The following MTARC1 variants were observed in gnomAD, a reference collection of about 807,000 sequenced individuals.
The protein encoded by MTARC1 is mitochondrial amidoxime-reducing component 1.
In MTARC1, 24 loss-of-function variants were observed where a neutral mutation model predicts 33.6. That is an observed-to-expected ratio of 0.72 (90% CI 0.52 to 1.01). The LOEUF (loss-of-function observed/expected upper bound fraction) is 1.01. MTARC1 is among the 50% of genes least tolerant of loss of function. The pLI is 0.00. For missense variants in MTARC1, 417 were observed against 445.7 expected (o/e 0.94, Z 0.58); for synonymous variants, 187 against 189.5 (o/e 0.99, Z 0.11).
At chr1:220,803,686 C>A (rs1266426771) in intron 4 of MTARC1, among the ~76,000 whole-genome samples, 1 of 143,686 alleles carries the variant, frequency 7.0e-6, no homozygotes, top group Admixed American at 7.0e-5. Flanking sequence ...ATGACTCAAT[C>A]TCCAGTAGTT....
chr1:220,798,952 G>T, intron 4 of MTARC1: 1 of 985,382 alleles, frequency 1.0e-6, no homozygotes, highest in Non-Finnish European at 1.2e-6. Flanking sequence ...CTAAGAATTT[G>T]ATTCCCACAT....
In MTARC1 at chr1:220,796,800, G is replaced by A. The variant is rs1427877570; in HGVS notation, c.607G>A (p.Asp203Asn). 3 of 1,605,626 alleles carry A rather than the reference G, an allele frequency of 1.9e-6. No individual in the cohort carries two copies. The highest frequency in any genetic ancestry group is 2.3e-5 in the East Asian group (1 of 44,354). Residue 203 changes from aspartate (D) to asparagine (N), a missense_variant, in exon 3 of 7, where the codon GAC (aspartate) becomes AAC (asparagine). Transcript: ENST00000366910. ...HQIADLFRPK[D>N]QIAYSDTSPF... ...AATAGCAGACTTGTTCCGACCCAAGGACCAGGTGAGAGGTTCTGCTGCCTC... is the reference window on the plus strand; with the variant it reads ...AATAGCAGACTTGTTCCGACCCAAGAACCAGGTGAGAGGTTCTGCTGCCTC...
chr1:220,813,166 A>C lies in MTARC1; in HGVS notation c.888-126A>C, dbSNP rs1025083691. 5 of 1,300,050 alleles carry C rather than the reference A, an allele frequency of 3.8e-6. No individual in the cohort carries two copies. In the Admixed American group the frequency reaches 5.4e-5, roughly 14 times the overall value. 80.5% of individuals were successfully genotyped at this position (1,300,050 alleles called of 1,614,324 possible). A position where few individuals can be genotyped will look rare whatever the true frequency, so the allele number is the denominator to read the frequency against. ...CACTCCAGGAGGCGCTGTTCTGTTG[A>C]GCTTTGACGGGATGGTGCCCTCTCG... On this transcript the variant is annotated intron_variant, in intron 6 of 6. Coordinates refer to ENST00000366910, the MANE Select transcript of MTARC1 (RefSeq NM_022746.4).
intron 6 of MTARC1, among the ~76,000 whole-genome samples, chr1:220,806,553 C>T (rs1314928020): frequency 6.6e-6 from 1 of 152,232 alleles, no homozygotes; most frequent in African/African-American, 2.4e-5. Flanking sequence ...CCTTCCACCT[C>T]TCACCAACCT....
In MTARC1 at chr1:220,817,537, CAATCCTTT is replaced by C; in HGVS notation, c.*4121_*4128del. On this transcript the variant is annotated 3_prime_UTR_variant, in exon 7 of 7. Coordinates refer to ENST00000366910, the MANE Select transcript of MTARC1 (RefSeq NM_022746.4). Reference sequence around the variant, plus strand: ...TACAGAGTGCTGATTGGTGCATTTACAATCCTTTAGCTAGACACAGAGTGCCGATTGGT... The same window carrying C: ...TACAGAGTGCTGATTGGTGCATTTACAGCTAGACACAGAGTGCCGATTGGT... 1.1e-5 allele frequency: 1 copy of C among 94,518 alleles called. No individual in the cohort carries two copies. Among genetic ancestry groups the C allele is most frequent in the Admixed American group, 1.1e-4 (1 of 8,854 alleles). The allele number at this position is 94,518 out of a possible 1,614,324, so 5.9% of individuals were successfully genotyped here. A position where few individuals can be genotyped will look rare whatever the true frequency, so the allele number is the denominator to read the frequency against.
intron 4 of MTARC1, among the ~76,000 whole-genome samples, chr1:220,802,801 C>T (rs567539078): frequency 4.8e-4 from 73 of 152,340 alleles, no homozygotes; most frequent in Middle Eastern, 6.8e-3. Context: ...CCAGATCCTA[C>T]GTTTGTTACT....
intron 4 of MTARC1, among the ~76,000 whole-genome samples, chr1:220,801,544 G>T (rs1358383511): frequency 1.3e-5 from 2 of 152,188 alleles, no homozygotes; most frequent in Non-Finnish European, 2.9e-5. Flanking sequence ...CAGGAGAAAG[G>T]GGGGCACTGA....
intron 4 of MTARC1, among the ~76,000 whole-genome samples, chr1:220,801,180 CCT>C (rs1672788820): frequency 6.6e-6 from 1 of 152,166 alleles, no homozygotes; most frequent in South Asian, 2.1e-4. Context: ...AGCCCCTTCT[CCT>C]CTCACTCCCC....
chr1:220,798,690 C>T, intron 4 of MTARC1: 1 of 754,464 alleles, frequency 1.3e-6, no homozygotes, highest in Non-Finnish European at 1.6e-6. Context: ...TGAGTGGCCA[C>T]CAGCTGTGGA....
At chr1:220,787,267 AG>A in intron 1 of MTARC1, 48 bp downstream of exon 1, 2 of 1,520,544 alleles carry the variant, frequency 1.3e-6, no homozygotes, top group African/African-American at 1.4e-5. Flanking sequence ...GCTCGGGGCA[AG>A]GGGGTGAGAA....
chr1:220,805,032 A>G lies in MTARC1; in HGVS notation c.754-20A>G. On this transcript the variant is annotated intron_variant, in intron 4 of 6. Transcript: ENST00000366910. ...GCAGGGCCCAGAGATGCTCATGGGA[A>G]TTTGTGCTTTGTCCCCTAGGATTCT... The G allele has an allele frequency of 5.6e-6, 9 of 1,613,930 alleles. No homozygotes were observed. The highest frequency in any genetic ancestry group is 7.6e-6 in the Non-Finnish European group (9 of 1,179,860).
chr1:220,790,547 G>A (rs141869756), intron 1 of MTARC1, among the ~76,000 whole-genome samples: 109 of 152,338 alleles, frequency 7.2e-4, no homozygotes, highest in Middle Eastern at 6.8e-3. Context: ...GGGCAGTTAC[G>A]GAAAGGGCTT....
intron 2 of MTARC1, 105 bp downstream of exon 2, chr1:220,791,769 C>T (rs966575553): frequency 9.6e-6 from 12 of 1,246,340 alleles, no homozygotes; most frequent in Middle Eastern, 1.9e-4. Flanking sequence ...AATAATGAAC[C>T]GTTGATTGCA....
chr1:220,813,657 C>G lies in MTARC1; in HGVS notation c.*239C>G. 2.2e-6 allele frequency: 1 copy of G among 462,094 alleles called. No individual in the cohort carries two copies. Among genetic ancestry groups the G allele is most frequent in the South Asian group, 2.7e-5 (1 of 36,504 alleles). 28.6% of individuals were successfully genotyped at this position (462,094 alleles called of 1,614,324 possible). ...TCAGTAAGTCACTTAAATGACAAGA[C>G]AGGATTCTGAAAACTCCCCGTTTAA... On this transcript the variant is annotated 3_prime_UTR_variant, in exon 7 of 7. Coordinates refer to ENST00000366910, the MANE Select transcript of MTARC1 (RefSeq NM_022746.4).
At chr1:220,801,863 G>A (rs1672816844) in intron 4 of MTARC1, among the ~76,000 whole-genome samples, 1 of 152,070 alleles carries the variant, frequency 6.6e-6, no homozygotes, top group South Asian at 2.1e-4. Context: ...CATCTCGGAA[G>A]CTACCTTCTC....
chr1:220,805,006 G>A (rs1284354939), intron 4 of MTARC1, 46 bp from the exon 5 acceptor site: 9 of 1,603,192 alleles, frequency 5.6e-6, no homozygotes, highest in Non-Finnish European at 7.7e-6. Context: ...ACGTGTCAGG[G>A]GCAGGGCCCA....
chr1:220,802,765 C>T (rs376767487), intron 4 of MTARC1, among the ~76,000 whole-genome samples: 1 of 152,224 alleles, frequency 6.6e-6, no homozygotes, highest in Non-Finnish European at 1.5e-5. Flanking sequence ...GCCATGTCGG[C>T]TCCCCTTTCT....
rs748576572 is a variant in MTARC1, at chr1:220,813,277, C to T, written c.888-15C>T. The T allele has an allele frequency of 1.9e-6, 3 of 1,614,016 alleles. No individual in the cohort carries two copies. In the East Asian group the frequency reaches 6.7e-5, roughly 36 times the overall value. On this transcript the variant is annotated splice_polypyrimidine_tract_variant and intron_variant, in intron 6 of 6. Coordinates refer to ENST00000366910, the MANE Select transcript of MTARC1 (RefSeq NM_022746.4). ...CCGCTTGGCTGTGACTCATCATGAT[C>T]TTTTCCTATTGCAGTTATCGCCAGT...
intron 6 of MTARC1, among the ~76,000 whole-genome samples, chr1:220,809,614 A>G (rs929180533): frequency 6.6e-6 from 1 of 152,146 alleles, no homozygotes; most frequent in African/African-American, 2.4e-5. Context: ...GGTTCAAGCA[A>G]TCCTCATGCC....
Sources: allele counts gnomAD v4.1 joint callset (sites outside exome capture counted in the v4.1 genomes callset), GRCh38; gene constraint gnomAD v4.1.1; transcripts MANE v1.5; gene names NCBI Gene and HGNC (gene_info 2026-07-23, HGNC 2026-07-21).